Variants in CTDSPL2 observed in about 807,000 individuals in gnomAD.
CTDSPL2 encodes CTD small phosphatase-like protein 2.
CTDSPL2 carries 5 observed loss-of-function variants against 60.0 expected under a neutral mutation model. That is an observed-to-expected ratio of 0.08 (90% CI 0.04 to 0.18). The LOEUF (loss-of-function observed/expected upper bound fraction) is 0.18. Among genes scored for constraint, CTDSPL2 ranks in the 10% least tolerant of loss-of-function variants. The probability of loss-of-function intolerance (pLI) is 1.00; values close to 1 mark genes in which losing one functional copy is unlikely to be tolerated. For synonymous variants in CTDSPL2, 186 were observed against 189.3 expected (o/e 0.98, Z 0.14); for missense variants, 370 against 548.8 (o/e 0.67, Z 3.26).
At chr15:44,463,014 G>T (rs746727875) in intron 2 of CTDSPL2, among the ~76,000 whole-genome samples, 10 of 151,484 alleles carry the variant, frequency 6.6e-5, no homozygotes, top group Admixed American at 2.0e-4. Context: ...CACTCAGGAG[G>T]ATTTTTCTGT....
chr15:44,474,846 A>C (rs1171414058), intron 2 of CTDSPL2, among the ~76,000 whole-genome samples: 1 of 152,178 alleles, frequency 6.6e-6, no homozygotes. Flanking sequence ...ACTCCATCTC[A>C]AAAGAAAAGA....
intron 12 of CTDSPL2, 92 bp from the exon 13 acceptor site, chr15:44,524,017 G>A (rs1356651435): frequency 4.4e-6 from 4 of 918,624 alleles, no homozygotes. Context: ...ATAAAAACTG[G>A]TATGTTTTCT....
chr15:44,478,812 T>C lies in CTDSPL2; in HGVS notation c.187-5412T>C, dbSNP rs562021468. Among the ~76,000 whole-genome samples, 652 of 151,858 alleles carry C rather than the reference T, an allele frequency of 4.3e-3. 4 individuals carry two copies. The highest frequency in any genetic ancestry group is 0.015 in the African/African-American group (631 of 41,376). ...GCCTGACCAACATGGTGAAACCCTG[T>C]CTCTACTAATAATACAAAAATTAGC... is the stretch of plus-strand genomic sequence containing the variant. On this transcript the variant is annotated intron_variant, in intron 2 of 12. Coordinates refer to ENST00000260327, the MANE Select transcript of CTDSPL2 (RefSeq NM_016396.3).
intron 8 of CTDSPL2, among the ~76,000 whole-genome samples, chr15:44,508,558 AACCTATTGCC>A (rs2081511368): frequency 6.6e-6 from 1 of 152,192 alleles, no homozygotes; most frequent in African/African-American, 2.4e-5. Flanking sequence ...CATTTTTTAA[AACCTATTGCC>A]ACAATGTAGC....
intron 1 of CTDSPL2, among the ~76,000 whole-genome samples, chr15:44,446,792 G>C (rs1469368161): frequency 2.5e-5 from 3 of 120,696 alleles, no homozygotes; most frequent in Admixed American, 1.0e-4. Flanking sequence ...GTCTCAGTCT[G>C]TTGCCCAGGC....
intron 4 of CTDSPL2, among the ~76,000 whole-genome samples, chr15:44,490,014 C>A (rs927886896): frequency 2.0e-5 from 3 of 152,036 alleles, no homozygotes; most frequent in African/African-American, 7.2e-5. Flanking sequence ...CTTAAAGCAA[C>A]AAGGGAGAAG....
chr15:44,513,204 G>A (rs1163962236), intron 8 of CTDSPL2, among the ~76,000 whole-genome samples: 8 of 152,124 alleles, frequency 5.3e-5, no homozygotes, highest in African/African-American at 1.9e-4. Flanking sequence ...GGTGGCTCAC[G>A]CCTGTAATCT....
At chr15:44,488,968 T>C (rs1004107871) in intron 4 of CTDSPL2, among the ~76,000 whole-genome samples, 1 of 152,166 alleles carries the variant, frequency 6.6e-6, no homozygotes, top group African/African-American at 2.4e-5. Flanking sequence ...TTGATAGAGT[T>C]TTCTTGGAAG....
chr15:44,514,193 T>C (rs1011476191), intron 8 of CTDSPL2, among the ~76,000 whole-genome samples: 1 of 152,224 alleles, frequency 6.6e-6, no homozygotes, highest in African/African-American at 2.4e-5. Flanking sequence ...TGAGTAATTA[T>C]TGAGGAAGGT....
At position 44,483,152 on chromosome 15, in the gene CTDSPL2, G is replaced by A. The variant is rs544128237; in HGVS notation, c.187-1072G>A. 4.4e-3 allele frequency among the ~76,000 whole-genome samples: 672 copies of A among 152,062 alleles called. 4 individuals carry two copies. The highest frequency in any genetic ancestry group is 0.015 in the African/African-American group (639 of 41,468). On this transcript the variant is annotated intron_variant, in intron 2 of 12. Transcript: ENST00000260327. ...TGCGTGCCTGTAATCCCAGCTACTC[G>A]GGAGGCTCAGGCAGGAGAATCGCTT... is the stretch of plus-strand genomic sequence containing the variant.
chr15:44,486,305 G>T (rs2081117986), intron 3 of CTDSPL2, among the ~76,000 whole-genome samples: 7 of 152,152 alleles, frequency 4.6e-5, no homozygotes. Context: ...GTCTATAGGT[G>T]TAAATCTACT....
At chr15:44,495,429 T>C (rs910722107) in intron 5 of CTDSPL2, among the ~76,000 whole-genome samples, 1 of 151,458 alleles carries the variant, frequency 6.6e-6, no homozygotes, top group African/African-American at 2.4e-5. Flanking sequence ...AAAAATACAA[T>C]AATTAGCCAG....
chr15:44,452,670 G>C (rs1388923150), intron 1 of CTDSPL2, among the ~76,000 whole-genome samples: 1 of 151,910 alleles, frequency 6.6e-6, no homozygotes, highest in Non-Finnish European at 1.5e-5. Context: ...AGAATAAAGA[G>C]ACTTCTCTTT....
At chr15:44,453,070 A>G (rs1041793218) in intron 1 of CTDSPL2, among the ~76,000 whole-genome samples, 1 of 152,130 alleles carries the variant, frequency 6.6e-6, no homozygotes, top group South Asian at 2.1e-4. Context: ...TATTCTTTAA[A>G]CAAGACTATG....
At chr15:44,434,711 C>G (rs1227462041) in intron 1 of CTDSPL2, among the ~76,000 whole-genome samples, 8 of 151,608 alleles carry the variant, frequency 5.3e-5, no homozygotes, top group Non-Finnish European at 7.3e-5. Context: ...AAAACACATT[C>G]TTTTCTTTCT....
intron 1 of CTDSPL2, among the ~76,000 whole-genome samples, chr15:44,437,225 C>G (rs2079996819): frequency 6.6e-6 from 1 of 152,124 alleles, no homozygotes; most frequent in African/African-American, 2.4e-5. Context: ...GATGCTCAAG[C>G]TGTATACCAC....
chr15:44,479,959 G>A (rs1490548058), intron 2 of CTDSPL2, among the ~76,000 whole-genome samples: 1 of 152,006 alleles, frequency 6.6e-6, no homozygotes, highest in Non-Finnish European at 1.5e-5. Flanking sequence ...TTTATGTAGT[G>A]TTTTTAAATA....
chr15:44,525,289 CCCAAGCCA>C lies in CTDSPL2; in HGVS notation c.*1120_*1127del, dbSNP rs2081854934. 1.0e-5 allele frequency: 4 copies of C among 397,688 alleles called. No homozygotes were observed. In the East Asian group the frequency reaches 1.1e-4, roughly 11 times the overall value. The allele number at this position is 397,688 out of a possible 1,614,324, so 24.6% of individuals were successfully genotyped here. A position where few individuals can be genotyped will look rare whatever the true frequency, so the allele number is the denominator to read the frequency against. ...GCATAATCCTGTGGCACAGTACACT[CCCAAGCCA>C]CCAATGCAGTTAATATGCTCTCATA... On this transcript the variant is annotated 3_prime_UTR_variant, in exon 13 of 13. Coordinates refer to ENST00000260327, the MANE Select transcript of CTDSPL2 (RefSeq NM_016396.3).
chr15:44,460,033 ACTG>A (rs1228360098), intron 2 of CTDSPL2, among the ~76,000 whole-genome samples: 2 of 152,206 alleles, frequency 1.3e-5, no homozygotes, highest in Non-Finnish European at 2.9e-5. Context: ...ACTGATACCA[ACTG>A]CTTCGTCTAT....
Sources: gnomAD v4.1 joint callset for allele counts (sites outside exome capture counted in the v4.1 genomes callset) on GRCh38, gnomAD v4.1.1 for gene constraint, MANE v1.5 for transcripts, NCBI Gene and HGNC (gene_info 2026-07-23, HGNC 2026-07-21) for gene names.